The following INHBA variants were observed in gnomAD, a reference collection of about 807,000 sequenced individuals.
INHBA encodes inhibin beta A chain.
In INHBA, 1 loss-of-function variant was observed where a neutral mutation model predicts 29.0. The ratio of observed to expected loss-of-function variants is 0.03; its 90% CI spans 0.01 to 0.16. The LOEUF (loss-of-function observed/expected upper bound fraction) is 0.16, where lower values mean the gene tolerates loss of function less well. INHBA is among the 10% of genes least tolerant of loss of function. The pLI is 1.00. For synonymous variants in INHBA, 242 were observed against 216.8 expected (o/e 1.12, Z -1.02); for missense variants, 376 against 545.4 (o/e 0.69, Z 3.09).
Position 41,685,877 on chromosome 7 carries a change from G to A in INHBA, c.*3773C>T, listed in dbSNP as rs568010055. 6.6e-6 allele frequency: 1 copy of A among 152,140 alleles called. No individual in the cohort carries two copies. The highest frequency in any genetic ancestry group is 1.9e-4 in the East Asian group (1 of 5,176). The allele number at this position is 152,140 out of a possible 1,614,324, so 9.4% of individuals were successfully genotyped here. On this transcript the variant is annotated 3_prime_UTR_variant, in exon 3 of 3. Transcript: ENST00000242208. Reference sequence around the variant, plus strand: ...CCAAACCTTCTGCCCACATCTACAAGTTTTATTTATTTTGTGGGTTTTCAG... The same window carrying A: ...CCAAACCTTCTGCCCACATCTACAAATTTTATTTATTTTGTGGGTTTTCAG...
Position 41,689,077 on chromosome 7 carries a change from G to A in INHBA, c.*573C>T, listed in dbSNP as rs1324454628. Reference sequence around the variant, plus strand: ...CACGATTGTTCTTTTACCAGTATGTGTATATATGTAATGTGTGGAAATGCC... The same window carrying A: ...CACGATTGTTCTTTTACCAGTATGTATATATATGTAATGTGTGGAAATGCC... On this transcript the variant is annotated 3_prime_UTR_variant, in exon 3 of 3. Transcript: ENST00000242208. 4.3e-6 allele frequency: 1 copy of A among 232,920 alleles called. No homozygotes were observed. The highest frequency in any genetic ancestry group is 2.2e-5 in the African/African-American group (1 of 44,994). 14.4% of individuals were successfully genotyped at this position (232,920 alleles called of 1,614,324 possible). A position where few individuals can be genotyped will look rare whatever the true frequency, so the allele number is the denominator to read the frequency against.
chr7:41,686,050 A>G lies in INHBA; in HGVS notation c.*3600T>C, dbSNP rs557866386. ...CTGTTTTTTTAGAGTCACCTCTTAAAGTCCAATCCCACAATGGTGAAAAAA... is the reference window on the plus strand; with the variant it reads ...CTGTTTTTTTAGAGTCACCTCTTAAGGTCCAATCCCACAATGGTGAAAAAA... On this transcript the variant is annotated 3_prime_UTR_variant, in exon 3 of 3. Coordinates refer to ENST00000242208, the MANE Select transcript of INHBA (RefSeq NM_002192.4). The G allele has an allele frequency of 8.5e-5, 13 of 152,246 alleles. No homozygotes were observed. The highest frequency in any genetic ancestry group is 5.9e-4 in the Admixed American group (9 of 15,294). 9.4% of individuals were successfully genotyped at this position (152,246 alleles called of 1,614,324 possible).
rs372914328 is a variant in INHBA at position 41,689,619 on chromosome 7, C to G, written c.*31G>C. 6.6e-7 allele frequency: 1 copy of G among 1,507,250 alleles called. No individual in the cohort carries two copies. Among genetic ancestry groups the G allele is most frequent in the Non-Finnish European group, 8.8e-7 (1 of 1,131,320 alleles). The allele number at this position is 1,507,250 out of a possible 1,614,324, so 93.4% of individuals were successfully genotyped here. A position where few individuals can be genotyped will look rare whatever the true frequency, so the allele number is the denominator to read the frequency against. Reference sequence around the variant, plus strand: ...TTGCCACTGTCTTCTCTGGACAACTCTTGCTCCCTTTCCCCCTGGGCTGGG... The same window carrying G: ...TTGCCACTGTCTTCTCTGGACAACTGTTGCTCCCTTTCCCCCTGGGCTGGG... On this transcript the variant is annotated 3_prime_UTR_variant, in exon 3 of 3. Transcript: ENST00000242208.
In INHBA at chr7:41,689,530, T is replaced by G. The variant is rs576554932; in HGVS notation, c.*120A>C. ...TTACTTTTGTTTTTTTTTGTTTTTT[T>G]TTTTGTTTTGTTTTTAATTTCTATT... On this transcript the variant is annotated 3_prime_UTR_variant, in exon 3 of 3. Coordinates refer to ENST00000242208, the MANE Select transcript of INHBA (RefSeq NM_002192.4). 2.0e-4 allele frequency: 166 copies of G among 827,328 alleles called. No homozygotes were observed. Among genetic ancestry groups the G allele is most frequent in the East Asian group, 8.8e-4 (28 of 31,670 alleles). The allele number at this position is 827,328 out of a possible 1,614,324, so 51.2% of individuals were successfully genotyped here.
In INHBA at chr7:41,700,103, T is replaced by C. The variant is rs777279223; in HGVS notation, c.272A>G (p.His91Arg). Residue 91 changes from histidine to arginine, a missense_variant, in exon 2 of 3, where the codon CAT (histidine) becomes CGT (arginine). This residue lies in a region of INHBA where 253 missense variants were observed against 313.4 expected (regional missense o/e 0.81). Coordinates refer to ENST00000242208, the MANE Select transcript of INHBA (RefSeq NM_002192.4). ...CCCGTTCTCCCCGACTTTGCCCACA[T>C]GAAGCTTTCTGATCGCGTTCAGAAG... ...AALLNAIRKL[H>R]VGKVGENGYV... The C allele has an allele frequency of 2.5e-6, 4 of 1,614,084 alleles. No individual in the cohort carries two copies. Among genetic ancestry groups the C allele is most frequent in the Non-Finnish European group, 3.4e-6 (4 of 1,180,012 alleles).
intron 2 of INHBA, 135 bp downstream of exon 2, chr7:41,699,852 C>A: frequency 1.5e-6 from 1 of 670,426 alleles, no homozygotes; most frequent in Non-Finnish European, 2.5e-6. Context: ...CCGCTACCAT[C>A]ACCTAATAAC....
chr7:41,689,638 G>A lies in INHBA; in HGVS notation c.*12C>T. On this transcript the variant is annotated 3_prime_UTR_variant, in exon 3 of 3. Coordinates refer to ENST00000242208, the MANE Select transcript of INHBA (RefSeq NM_002192.4). ...ACAACTCTTGCTCCCTTTCCCCCTG[G>A]GCTGGGCAACTCTATGAGCACCCAC... The A allele has an allele frequency of 6.5e-7, 1 of 1,542,950 alleles. No individual in the cohort carries two copies. The highest frequency in any genetic ancestry group is 8.7e-7 in the Non-Finnish European group (1 of 1,145,528).
At chr7:41,700,841 A>AAGAGAGAGAGGGAGAGAG (rs1794769392) in intron 1 of INHBA, among the ~76,000 whole-genome samples, 1 of 79,098 alleles carries the variant, frequency 1.3e-5, no homozygotes, top group Non-Finnish European at 2.4e-5. Flanking sequence ...GAGGGAAAGG[A>AAGAGAGAGAGGGAGAGAG]AGAGAGAGAG....
rs560903336 is a variant in INHBA at position 41,697,161 on chromosome 7, T to G, written c.388+2826A>C. 7.5e-4 allele frequency among the ~76,000 whole-genome samples: 114 copies of G among 152,304 alleles called. 1 individual carries two copies. Among genetic ancestry groups the G allele is most frequent in the Non-Finnish European group, 1.9e-4 (13 of 68,024 alleles). On this transcript the variant is annotated intron_variant, in intron 2 of 2. Coordinates refer to ENST00000242208, the MANE Select transcript of INHBA (RefSeq NM_002192.4). The stretch of plus-strand genomic sequence containing the variant: ...TATAGTGATAGCTTGGCTTTACCCA[T>G]CCCTTCTATCTTTCCTTGTGAAGAA...
intron 2 of INHBA, among the ~76,000 whole-genome samples, chr7:41,694,947 A>C (rs1332449362): frequency 6.6e-6 from 1 of 152,230 alleles, no homozygotes; most frequent in African/African-American, 2.4e-5. Flanking sequence ...GGGTGTTTGC[A>C]GCACATTTTC....
Position 41,689,523 on chromosome 7 carries a change from G to GTTTTT in INHBA, c.*122_*126dup. On this transcript the variant is annotated 3_prime_UTR_variant, in exon 3 of 3. Transcript: ENST00000242208. The stretch of plus-strand genomic sequence containing the variant: ...TTTTAATTTACTTTTGTTTTTTTTT[G>GTTTTT]TTTTTTTTTTTGTTTTGTTTTTAAT... The GTTTTT allele has an allele frequency of 1.8e-6, 1 of 563,146 alleles. No homozygotes were observed. Among genetic ancestry groups the GTTTTT allele is most frequent in the Non-Finnish European group, 2.5e-6 (1 of 393,038 alleles). The allele number at this position is 563,146 out of a possible 1,614,324, so 34.9% of individuals were successfully genotyped here. A position where few individuals can be genotyped will look rare whatever the true frequency, so the allele number is the denominator to read the frequency against.
chr7:41,689,618 T>C lies in INHBA; in HGVS notation c.*32A>G. 6.6e-7 allele frequency: 1 copy of C among 1,506,686 alleles called. No homozygotes were observed. The highest frequency in any genetic ancestry group is 2.3e-5 in the East Asian group (1 of 43,278). 93.3% of individuals were successfully genotyped at this position (1,506,686 alleles called of 1,614,324 possible). On this transcript the variant is annotated 3_prime_UTR_variant, in exon 3 of 3. Coordinates refer to ENST00000242208, the MANE Select transcript of INHBA (RefSeq NM_002192.4). ...TTTGCCACTGTCTTCTCTGGACAAC[T>C]CTTGCTCCCTTTCCCCCTGGGCTGG...
chr7:41,694,564 G>T (rs1015956322), intron 2 of INHBA, among the ~76,000 whole-genome samples: 1 of 152,180 alleles, frequency 6.6e-6, no homozygotes, highest in Non-Finnish European at 1.5e-5. Flanking sequence ...CTAGGTTCCT[G>T]CACTATTACC....
Position 41,693,061 on chromosome 7 carries a change from T to G in INHBA, c.389-2519A>C, listed in dbSNP as rs945443403. ...CCATAGAGAATGTTAACAAGATACCTGCTGTTTTCCCTTCTGCCTCTATGC... is the reference window on the plus strand; with the variant it reads ...CCATAGAGAATGTTAACAAGATACCGGCTGTTTTCCCTTCTGCCTCTATGC... On this transcript the variant is annotated intron_variant, in intron 2 of 2. Transcript: ENST00000242208. Among the ~76,000 whole-genome samples the G allele has an allele frequency of 3.3e-5, 5 of 152,200 alleles. 1 individual carries two copies. The highest frequency in any genetic ancestry group is 1.2e-4 in the African/African-American group (5 of 41,450).
At position 41,689,958 on chromosome 7, in the gene INHBA, G is replaced by T; in HGVS notation, c.973C>A (p.Gln325Lys). The T allele has an allele frequency of 6.2e-7, 1 of 1,614,030 alleles. No individual in the cohort carries two copies. Among genetic ancestry groups the T allele is most frequent in the Non-Finnish European group, 8.5e-7 (1 of 1,180,036 alleles). Residue 325 changes from glutamine (Q) to lysine (K), a missense_variant, in exon 3 of 3, where the codon CAG (glutamine) becomes AAG (lysine). Around this residue, in one of 4 missense-constraint regions of INHBA, gnomAD observed 50 missense variants for 137.9 expected, o/e 0.36. Coordinates refer to ENST00000242208, the MANE Select transcript of INHBA (RefSeq NM_002192.4). ...DGKVNICCKK[Q>K]FFVSFKDIGW... ...ATGTCCTTGAAACTGACAAAGAACT[G>T]TTTCTTACAGCAGATGTTGACCTTG...
Position 41,689,102 on chromosome 7 carries a change from C to CTGTG in INHBA, c.*544_*547dup, listed in dbSNP as rs56919042. 0.014 allele frequency: 3,185 copies of CTGTG among 224,734 alleles called. 50 individuals are homozygous for CTGTG. Among genetic ancestry groups the CTGTG allele is most frequent in the African/African-American group, 0.053 (2,294 of 43,144 alleles). 13.9% of individuals were successfully genotyped at this position (224,734 alleles called of 1,614,324 possible). ...GTATATATGTAATGTGTGGAAATGC[C>CTGTG]TGTGTGTGTGTGTGTGTGTGTGTGT... On this transcript the variant is annotated 3_prime_UTR_variant, in exon 3 of 3. Coordinates refer to ENST00000242208, the MANE Select transcript of INHBA (RefSeq NM_002192.4).
chr7:41,702,010 T>C (rs762072183), intron 1 of INHBA, among the ~76,000 whole-genome samples: 18 of 152,188 alleles, frequency 1.2e-4, no homozygotes, highest in Non-Finnish European at 2.4e-4. Flanking sequence ...TTTTCTGTCT[T>C]ATTGCTTTTA....
intron 2 of INHBA, 42 bp downstream of exon 2, chr7:41,699,945 A>ACCCCCCC: frequency 2.3e-5 from 2 of 87,008 alleles, no homozygotes; most frequent in South Asian, 1.3e-4. Context: ...TTACCCTCCC[A>ACCCCCCC]CCCCCCACCC....
rs1394624819 is a variant in INHBA, at chr7:41,687,973, G to A, written c.*1677C>T. ...AAGTGGGAGGGGGCACAAAAAAGAG[G>A]AGGAAATTTGATCCCTGTACAATGA... On this transcript the variant is annotated 3_prime_UTR_variant, in exon 3 of 3. Transcript: ENST00000242208. 6.6e-6 allele frequency: 1 copy of A among 152,192 alleles called. No homozygotes were observed. The highest frequency in any genetic ancestry group is 2.4e-5 in the African/African-American group (1 of 41,452). The allele number at this position is 152,192 out of a possible 1,614,324, so 9.4% of individuals were successfully genotyped here.
Sources: allele counts gnomAD v4.1 joint callset (sites outside exome capture counted in the v4.1 genomes callset), GRCh38; gene constraint gnomAD v4.1.1; regional missense constraint gnomAD v4.1.1; transcripts MANE v1.5; gene names NCBI Gene and HGNC (gene_info 2026-07-23, HGNC 2026-07-21).